The following TADA1 variants were observed in gnomAD, a reference collection of about 807,000 sequenced individuals.
The protein encoded by TADA1 is transcriptional adapter 1.
Under a neutral mutation model 39.3 loss-of-function variants are expected in TADA1, and 23 were observed. That is an observed-to-expected ratio of 0.58 (90% CI 0.42 to 0.83). TADA1 has a LOEUF of 0.83. Ranked by LOEUF, TADA1 falls within the 40% of genes least tolerant of loss-of-function variation. The probability of loss-of-function intolerance (pLI) is 0.00; values close to 1 mark genes in which losing one functional copy is unlikely to be tolerated. For synonymous variants in TADA1, 137 were observed against 151.8 expected, an observed-to-expected ratio of 0.90 and a Z score of 0.72; for missense variants, 352 against 408.1, an observed-to-expected ratio of 0.86 and a Z score of 1.18.
intron 6 of TADA1, 82 bp downstream of exon 6, chr1:166,860,104 T>C (rs1475575705): frequency 4.4e-6 from 6 of 1,378,066 alleles, no homozygotes; most frequent in Non-Finnish European, 5.9e-6. Context: ...GAAAACACAA[T>C]CAATTATTTA....
intron 3 of TADA1, among the ~76,000 whole-genome samples, chr1:166,867,645 C>T (rs1280390852): frequency 6.6e-6 from 1 of 151,740 alleles, no homozygotes; most frequent in African/African-American, 2.4e-5. Flanking sequence ...AGTGCCGTGG[C>T]ACAATGTAAC....
chr1:166,872,118 T>C (rs1317568767), intron 1 of TADA1, among the ~76,000 whole-genome samples: 2 of 152,248 alleles, frequency 1.3e-5, no homozygotes, highest in Non-Finnish European at 2.9e-5. Flanking sequence ...GACAAATGAC[T>C]GTTTCCCTCA....
chr1:166,857,790 TTA>T, intron 7 of TADA1, 71 bp from the exon 8 acceptor site: 3 of 1,515,616 alleles, frequency 2.0e-6, no homozygotes, highest in Non-Finnish European at 2.7e-6. Context: ...ATAAAAGGGT[TTA>T]TATCAACAAA....
At chr1:166,869,623 A>G in intron 2 of TADA1, 113 bp from the exon 3 acceptor site, 2 of 1,206,368 alleles carry the variant, frequency 1.7e-6, no homozygotes, top group Non-Finnish European at 2.4e-6. Flanking sequence ...GCCATGCTTT[A>G]TACTTAAAGT....
intron 3 of TADA1, among the ~76,000 whole-genome samples, chr1:166,865,444 T>G (rs1658507569): frequency 6.6e-6 from 1 of 152,004 alleles, no homozygotes; most frequent in Non-Finnish European, 1.5e-5. Flanking sequence ...TACTGATATT[T>G]TTTTAACCAT....
rs1236304248 is a variant in TADA1, at chr1:166,866,744, A to AT, written c.232+2700dup. Among the ~76,000 whole-genome samples the AT allele has an allele frequency of 3.4e-5, 5 of 145,602 alleles. No individual in the cohort carries two copies. In the East Asian group the frequency reaches 1.0e-3, roughly 30 times the overall value. ...CAACATTTGTTTGGCAATTTTTTTTATTTTTATTTTTTTTTTTTGAGACAG... is the reference window on the plus strand; with the variant it reads ...CAACATTTGTTTGGCAATTTTTTTTATTTTTTATTTTTTTTTTTTGAGACAG... On this transcript the variant is annotated intron_variant, in intron 3 of 7. Transcript: ENST00000367874.
rs759994546 is a variant in TADA1 at position 166,863,928 on chromosome 1, G to T, written c.233-7C>A. 1.3e-6 allele frequency: 2 copies of T among 1,589,844 alleles called. No individual in the cohort carries two copies. On this transcript the variant is annotated splice_region_variant and splice_polypyrimidine_tract_variant and intron_variant, in intron 3 of 7. Coordinates refer to ENST00000367874, the MANE Select transcript of TADA1 (RefSeq NM_053053.4). Reference sequence around the variant, plus strand: ...GGCAAAGATCCAGCACCATCTAGGAGACAGAAATATATAACCATAAGTAAA... The same window carrying T: ...GGCAAAGATCCAGCACCATCTAGGATACAGAAATATATAACCATAAGTAAA...
chr1:166,859,210 A>G (rs916209872), intron 6 of TADA1, among the ~76,000 whole-genome samples: 1 of 152,142 alleles, frequency 6.6e-6, no homozygotes, highest in African/African-American at 2.4e-5. Context: ...AAACTCCCAC[A>G]TGTGCTATCA....
rs1302606196 is a variant in TADA1 at position 166,858,278 on chromosome 1, A to G, written c.696T>C (p.Pro232=). The change falls in exon 7 of 8, where the codon CCT becomes CCC. Residue 232 remains proline, a synonymous_variant. Transcript: ENST00000367874. Reference sequence around the variant, plus strand: ...CAGCACAGGGAGCAGTAAAAGCTGGAGGGCTGAAAATAAAAATTTCAGAAA... The same window carrying G: ...CAGCACAGGGAGCAGTAAAAGCTGGGGGGCTGAAAATAAAAATTTCAGAAA... The part of the protein sequence containing the change: ...VVAYNNLIES[P]PAFTAPCAGQ... The G allele has an allele frequency of 1.9e-6, 3 of 1,540,444 alleles. No homozygotes were observed. Among genetic ancestry groups the G allele is most frequent in the Non-Finnish European group, 8.7e-7 (1 of 1,146,692 alleles).
In TADA1 at chr1:166,858,854, G is replaced by A. The variant is rs543235331; in HGVS notation, c.693-573C>T. Among the ~76,000 whole-genome samples the A allele has an allele frequency of 1.2e-4, 18 of 152,322 alleles. No individual in the cohort carries two copies. The East Asian group carries it at 3.3e-3, about 28-fold the overall frequency. ...GCAGTAACTCAGAGGAAAGCACAGT[G>A]GAACGTTAGCGTGGGACTGAAGCAT... On this transcript the variant is annotated intron_variant, in intron 6 of 7. Transcript: ENST00000367874.
intron 1 of TADA1, among the ~76,000 whole-genome samples, chr1:166,871,139 T>C (rs1327713953): frequency 6.6e-6 from 1 of 152,236 alleles, no homozygotes; most frequent in East Asian, 1.9e-4. Flanking sequence ...TCTGTAGTTT[T>C]TAAAGTGAAA....
At chr1:166,871,558 C>G (rs1165417498) in intron 1 of TADA1, among the ~76,000 whole-genome samples, 1 of 152,034 alleles carries the variant, frequency 6.6e-6, no homozygotes, top group Non-Finnish European at 1.5e-5. Flanking sequence ...CAGGAGAAAA[C>G]CCATAGCCTT....
At chr1:166,863,047 C>G (rs906132621) in intron 4 of TADA1, 3 of 153,034 alleles carry the variant, frequency 2.0e-5, no homozygotes, top group African/African-American at 7.2e-5. Flanking sequence ...AGTTATGCCC[C>G]AGTACCTTTT....
chr1:166,876,053 C>A, intron 1 of TADA1, 107 bp downstream of exon 1: 1 of 1,132,874 alleles, frequency 8.8e-7, no homozygotes, highest in South Asian at 1.7e-5. Context: ...GGACTCCAGG[C>A]TGCACAGGCC....
chr1:166,863,778 A>G (rs991771352), intron 4 of TADA1, 46 bp downstream of exon 4: 8 of 1,540,788 alleles, frequency 5.2e-6, no homozygotes, highest in Non-Finnish European at 6.3e-6. Flanking sequence ...CCAACATGCC[A>G]CTACTTCAAT....
At chr1:166,868,038 C>T (rs1202231161) in intron 3 of TADA1, among the ~76,000 whole-genome samples, 1 of 152,092 alleles carries the variant, frequency 6.6e-6, no homozygotes, top group Admixed American at 6.5e-5. Flanking sequence ...TTGGTAAGCA[C>T]AATTGTAATG....
intron 1 of TADA1, among the ~76,000 whole-genome samples, chr1:166,872,990 C>T (rs555663833): frequency 2.4e-4 from 36 of 152,242 alleles, no homozygotes; most frequent in South Asian, 1.0e-3. Context: ...TGATCATGGC[C>T]GGACGCAGTG....
chr1:166,862,682 A>G (rs1464482793), intron 4 of TADA1: 7 of 481,752 alleles, frequency 1.5e-5, no homozygotes, highest in Admixed American at 3.6e-5. Context: ...CACAGAATGT[A>G]TGGCACTGTG....
Position 166,858,151 on chromosome 1 carries a change from C to G in TADA1, c.823G>C (p.Val275Leu). The G allele has an allele frequency of 6.2e-7, 1 of 1,614,154 alleles. No individual in the cohort carries two copies. Among genetic ancestry groups the G allele is most frequent in the East Asian group, 2.2e-5 (1 of 44,876 alleles). Residue 275 changes from valine to leucine, a missense_variant, in exon 7 of 8, where the codon GTG becomes CTG. Around this residue, in one of 3 missense-constraint regions of TADA1, gnomAD observed 285 missense variants for 310.9 expected, o/e 0.92. Transcript: ENST00000367874. Reference sequence around the variant, plus strand: ...GCTTCAAAAAGATCGTACATGTTCACCGGAGGCAAAGATGCAGGTAGAGTG... The same window carrying G: ...GCTTCAAAAAGATCGTACATGTTCAGCGGAGGCAAAGATGCAGGTAGAGTG... ...GDTLPASLPPVNMYDLFEALQ... is the reference protein window; with the variant it reads ...GDTLPASLPPLNMYDLFEALQ...
Sources: gnomAD v4.1 joint callset for allele counts (sites outside exome capture counted in the v4.1 genomes callset) on GRCh38, gnomAD v4.1.1 for gene constraint, gnomAD v4.1.1 regional missense constraint, MANE v1.5 for transcripts, NCBI Gene and HGNC (gene_info 2026-07-23, HGNC 2026-07-21) for gene names.